Variants in TBL1X observed in about 807,000 individuals in gnomAD.
TBL1X encodes the protein transducin beta like 1 X-linked.
Under a neutral mutation model 50.7 loss-of-function variants are expected in TBL1X, and 10 were observed. That is an observed-to-expected ratio of 0.20 (90% confidence interval 0.12 to 0.33). The LOEUF (loss-of-function observed/expected upper bound fraction) is 0.33, where lower values mean the gene tolerates loss of function less well. Ranked by LOEUF, TBL1X falls within the 10% of genes least tolerant of loss-of-function variation. TBL1X has a pLI of 1.00. For synonymous variants in TBL1X, 190 were observed against 214.7 expected (o/e 0.88, Z 1.01); for missense variants, 340 against 504.4 (o/e 0.67, Z 3.12).
At chrX:9,633,854 C>T (rs767328171) in intron 2 of TBL1X, among the ~76,000 whole-genome samples, 2 of 111,670 alleles carry the variant, frequency 1.8e-5, no homozygotes, top group Non-Finnish European at 3.8e-5. Flanking sequence ...AACCCTAGCA[C>T]GTTGAGCATG....
chrX:9,618,633 C>T (rs780832355), intron 2 of TBL1X, among the ~76,000 whole-genome samples: 27 of 112,040 alleles, frequency 2.4e-4, no homozygotes, highest in African/African-American at 7.8e-4. Flanking sequence ...GAGCCAAGAT[C>T]GTGCCACTGC....
intron 2 of TBL1X, among the ~76,000 whole-genome samples, chrX:9,584,152 G>C (rs991954260): frequency 1.8e-5 from 2 of 112,032 alleles, no homozygotes; most frequent in African/African-American, 6.5e-5. Context: ...AAGAGGTCCA[G>C]CCTCTTTGGG....
At chrX:9,575,339 A>T (rs1219549413) in intron 2 of TBL1X, among the ~76,000 whole-genome samples, 1 of 111,523 alleles carries the variant, frequency 9.0e-6, no homozygotes, top group Non-Finnish European at 1.9e-5. Flanking sequence ...GAGCCAAACC[A>T]TATCACCCAT....
chrX:9,554,652 A>T (rs1160728341), intron 2 of TBL1X, among the ~76,000 whole-genome samples: 1 of 112,419 alleles, frequency 8.9e-6, no homozygotes, highest in Non-Finnish European at 1.9e-5. Flanking sequence ...GTACAGTAAC[A>T]ATGTGATATA....
rs1388923568 is a variant in TBL1X at position 9,606,593 on chromosome X, C to G, written c.-130-33680C>G. On this transcript the variant is annotated intron_variant, in intron 2 of 17. Transcript: ENST00000645353. Reference sequence around the variant, plus strand: ...AACTCGGGAGGCTGAGGTGGAGGATCACTTGAGCCCAGGAGGTAGAGGCTG... The same window carrying G: ...AACTCGGGAGGCTGAGGTGGAGGATGACTTGAGCCCAGGAGGTAGAGGCTG... Among the ~76,000 whole-genome samples the G allele has an allele frequency of 2.7e-5, 3 of 111,276 alleles. No homozygotes were observed. In the East Asian group the frequency reaches 8.5e-4, roughly 32 times the overall value.
intron 2 of TBL1X, among the ~76,000 whole-genome samples, chrX:9,583,094 G>C (rs551848491): frequency 6.7e-4 from 75 of 112,760 alleles, no homozygotes; most frequent in African/African-American, 2.3e-3. Context: ...TAAAATAGCA[G>C]AGATGTATTG....
chrX:9,477,173 C>T (rs1257959829), intron 1 of TBL1X, among the ~76,000 whole-genome samples: 1 of 111,729 alleles, frequency 9.0e-6, no homozygotes, highest in Non-Finnish European at 1.9e-5. Flanking sequence ...ATTTTCTTTC[C>T]TTTCTAATAT....
At chrX:9,480,637 C>T (rs1171034530) in intron 1 of TBL1X, among the ~76,000 whole-genome samples, 2 of 109,600 alleles carry the variant, frequency 1.8e-5, no homozygotes, top group African/African-American at 6.6e-5. Context: ...TTTAAAAATT[C>T]TTGAGTTATT....
intron 2 of TBL1X, among the ~76,000 whole-genome samples, chrX:9,631,915 T>C (rs773766242): frequency 2.0e-4 from 22 of 112,735 alleles, no homozygotes; most frequent in Non-Finnish European, 3.9e-4. Context: ...CTCTCTGCTT[T>C]TGTTTCTTTG....
chrX:9,572,397 T>C (rs2082390736), intron 2 of TBL1X, among the ~76,000 whole-genome samples: 1 of 112,877 alleles, frequency 8.9e-6, no homozygotes, highest in African/African-American at 3.2e-5. Context: ...GCTTTTCTTT[T>C]TCCACCCTCT....
chrX:9,615,138 T>TTG (rs1271197845), intron 2 of TBL1X, among the ~76,000 whole-genome samples: 1 of 111,930 alleles, frequency 8.9e-6, no homozygotes, highest in Non-Finnish European at 1.9e-5. Context: ...ATGGAATGCT[T>TTG]TACCCCTTTT....
At chrX:9,693,251 G>A (rs2083110417) in intron 10 of TBL1X, 39 bp downstream of exon 10, 1 of 1,207,591 alleles carries the variant, frequency 8.3e-7, no homozygotes, top group Non-Finnish European at 1.1e-6. Context: ...CGGGTAAGAG[G>A]AGCTGCCGAA....
chrX:9,513,351 G>A (rs1398951056), intron 2 of TBL1X, among the ~76,000 whole-genome samples: 1 of 110,713 alleles, frequency 9.0e-6, no homozygotes, highest in African/African-American at 3.3e-5. Flanking sequence ...GCCTGATGGT[G>A]TACTCCAGTG....
At chrX:9,498,940 G>A (rs1186301527) in intron 1 of TBL1X, among the ~76,000 whole-genome samples, 1 of 111,692 alleles carries the variant, frequency 9.0e-6, no homozygotes, top group Non-Finnish European at 1.9e-5. Flanking sequence ...CGCCCCCCTT[G>A]CTTGGGGTCT....
At chrX:9,512,025 T>C (rs1026197172) in intron 2 of TBL1X, among the ~76,000 whole-genome samples, 9 of 110,833 alleles carry the variant, frequency 8.1e-5, no homozygotes, top group African/African-American at 3.0e-4. Context: ...CACTCCCAGC[T>C]AGTTTTATTT....
intron 2 of TBL1X, among the ~76,000 whole-genome samples, chrX:9,553,785 A>T (rs988532672): frequency 8.9e-6 from 1 of 112,469 alleles, no homozygotes; most frequent in Non-Finnish European, 1.9e-5. Flanking sequence ...GTACAAAATT[A>T]TGTTTTTATA....
At chrX:9,622,691 G>C (rs1187302543) in intron 2 of TBL1X, among the ~76,000 whole-genome samples, 1 of 111,485 alleles carries the variant, frequency 9.0e-6, no homozygotes, top group Non-Finnish European at 1.9e-5. Flanking sequence ...TAGTAGAGAT[G>C]GGGTTTTGCC....
chrX:9,489,390 G>T (rs898119822), intron 1 of TBL1X, among the ~76,000 whole-genome samples: 1 of 112,049 alleles, frequency 8.9e-6, no homozygotes, highest in African/African-American at 3.2e-5. Context: ...CTCAAAAATA[G>T]TTTGGGAGTA....
At chrX:9,558,958 G>A (rs191047211) in intron 2 of TBL1X, among the ~76,000 whole-genome samples, 47 of 112,276 alleles carry the variant, frequency 4.2e-4, no homozygotes, top group African/African-American at 1.4e-3. Context: ...GAAATGTGTC[G>A]TGTGTTTACT....
Sources: gnomAD v4.1 joint callset for allele counts (sites outside exome capture counted in the v4.1 genomes callset) on GRCh38, gnomAD v4.1.1 for gene constraint, MANE v1.5 for transcripts, NCBI Gene and HGNC (gene_info 2026-07-23, HGNC 2026-07-21) for gene names.